DKK2: variants seen among roughly 807,000 people sequenced by gnomAD.
The protein encoded by DKK2 is dickkopf-related protein 2.
In DKK2, 11 loss-of-function variants were observed where a neutral mutation model predicts 28.1. The ratio of observed to expected loss-of-function variants is 0.39; its 90% CI spans 0.25 to 0.65. The LOEUF is 0.65. Among genes scored for constraint, DKK2 ranks in the 30% least tolerant of loss-of-function variants. The pLI, the probability that DKK2 is intolerant of heterozygous loss-of-function variation, is 0.47. For synonymous variants in DKK2, 135 were observed against 126.5 expected, an observed-to-expected ratio of 1.07 and a Z score of -0.45; for missense variants, 326 against 335.5, an observed-to-expected ratio of 0.97 and a Z score of 0.22.
intron 1 of DKK2, among the ~76,000 whole-genome samples, chr4:106,941,540 C>A (rs1317151100): frequency 6.6e-6 from 1 of 152,106 alleles, no homozygotes; most frequent in Non-Finnish European, 1.5e-5. Flanking sequence ...GAGCTACATT[C>A]TCATTTCTTT....
chr4:106,949,389 C>T (rs1724825934), intron 1 of DKK2, among the ~76,000 whole-genome samples: 3 of 152,146 alleles, frequency 2.0e-5, no homozygotes, highest in African/African-American at 7.2e-5. Context: ...ATTTCTAGAT[C>T]TCTTCTCTGT....
intron 1 of DKK2, among the ~76,000 whole-genome samples, chr4:107,019,432 G>T (rs964456026): frequency 6.6e-6 from 1 of 151,840 alleles, no homozygotes; most frequent in Non-Finnish European, 1.5e-5. Context: ...TGAGTACTCC[G>T]CACATAACAG....
chr4:106,926,031 A>AT, intron 1 of DKK2, 82 bp from the exon 2 acceptor site: 1 of 1,428,644 alleles, frequency 7.0e-7, no homozygotes, highest in East Asian at 2.3e-5. Flanking sequence ...AAATCATGAT[A>AT]GAAAATGAAT....
intron 1 of DKK2, among the ~76,000 whole-genome samples, chr4:106,945,432 C>T (rs1724761475): frequency 6.6e-6 from 1 of 152,082 alleles, no homozygotes; most frequent in South Asian, 2.1e-4. Flanking sequence ...CAGCCAGTTA[C>T]TGGTTATATA....
At chr4:107,011,442 T>A (rs779242908) in intron 1 of DKK2, among the ~76,000 whole-genome samples, 5 of 151,656 alleles carry the variant, frequency 3.3e-5, no homozygotes, top group Non-Finnish European at 5.9e-5. Flanking sequence ...TAATTCAGTA[T>A]AATTAACCAT....
At chr4:107,006,898 A>G (rs1026255724) in intron 1 of DKK2, among the ~76,000 whole-genome samples, 31 of 152,212 alleles carry the variant, frequency 2.0e-4, no homozygotes, top group Non-Finnish European at 2.9e-5. Flanking sequence ...TATTAAATGT[A>G]TCTGTTTTGG....
In DKK2 at chr4:106,982,344, T is replaced by G. The variant is rs368139080; in HGVS notation, c.222+53026A>C. ...AGAAGTGCACAGAATTTGCGTAAGT[T>G]AGTGTACTCATCACCCCTTCCACTA... On this transcript the variant is annotated intron_variant, in intron 1 of 3. Transcript: ENST00000285311. Among the ~76,000 whole-genome samples, 14 of 152,268 alleles carry G rather than the reference T, an allele frequency of 9.2e-5. No individual in the cohort carries two copies. The East Asian group carries it at 1.5e-3, about 17-fold the overall frequency.
chr4:107,021,995 A>G (rs1196018788), intron 1 of DKK2, among the ~76,000 whole-genome samples: 1 of 152,064 alleles, frequency 6.6e-6, no homozygotes, highest in African/African-American at 2.4e-5. Context: ...GGGGACATTG[A>G]TATCCAGTTT....
intron 1 of DKK2, among the ~76,000 whole-genome samples, chr4:106,983,370 A>AAGAAAGAG (rs1723063038): frequency 6.6e-6 from 1 of 150,714 alleles, no homozygotes; most frequent in African/African-American, 2.4e-5. Flanking sequence ...GAAAGAAAGA[A>AAGAAAGAG]GAAAGAAAAG....
At chr4:107,010,238 C>T (rs1439997419) in intron 1 of DKK2, among the ~76,000 whole-genome samples, 22 of 151,692 alleles carry the variant, frequency 1.5e-4, no homozygotes, top group Non-Finnish European at 4.4e-5. Flanking sequence ...GAAGCCTCAT[C>T]AACTTAAAAC....
At chr4:106,969,219 T>G (rs1188162267) in intron 1 of DKK2, among the ~76,000 whole-genome samples, 1 of 151,764 alleles carries the variant, frequency 6.6e-6, no homozygotes, top group Admixed American at 6.6e-5. Flanking sequence ...TCGCCTCCAG[T>G]TTGGGACCCC....
intron 1 of DKK2, among the ~76,000 whole-genome samples, chr4:106,954,334 A>G (rs1722553712): frequency 6.6e-6 from 1 of 152,170 alleles, no homozygotes; most frequent in African/African-American, 2.4e-5. Context: ...TACCTGATAC[A>G]ATAGTATTAT....
At chr4:106,964,515 T>C (rs1027752806) in intron 1 of DKK2, among the ~76,000 whole-genome samples, 2 of 152,160 alleles carry the variant, frequency 1.3e-5, no homozygotes, top group Non-Finnish European at 2.9e-5. Context: ...GGAATTAGAA[T>C]GTTCCTATCA....
intron 1 of DKK2, among the ~76,000 whole-genome samples, chr4:106,933,164 G>A (rs1724526907): frequency 6.6e-6 from 1 of 152,156 alleles, no homozygotes; most frequent in Admixed American, 6.5e-5. Context: ...TCCTGGTGAT[G>A]ATACAATAAG....
intron 1 of DKK2, among the ~76,000 whole-genome samples, chr4:106,963,786 C>T (rs1222930216): frequency 6.6e-6 from 1 of 152,154 alleles, no homozygotes; most frequent in Non-Finnish European, 1.5e-5. Flanking sequence ...ACATGTTCAA[C>T]AATGGATGAA....
At chr4:107,029,511 T>C (rs1723844873) in intron 1 of DKK2, among the ~76,000 whole-genome samples, 1 of 152,058 alleles carries the variant, frequency 6.6e-6, no homozygotes, top group African/African-American at 2.4e-5. Flanking sequence ...TGGCATAGAG[T>C]GAATAATCAA....
chr4:106,961,813 T>C (rs1189160961), intron 1 of DKK2, among the ~76,000 whole-genome samples: 1 of 152,190 alleles, frequency 6.6e-6, no homozygotes, highest in Non-Finnish European at 1.5e-5. Flanking sequence ...CGCACCTCTC[T>C]GTGCATCTGT....
intron 1 of DKK2, among the ~76,000 whole-genome samples, chr4:106,969,833 C>T (rs189296517): frequency 6.6e-6 from 1 of 152,156 alleles, no homozygotes; most frequent in African/African-American, 2.4e-5. Flanking sequence ...AGATATCTAC[C>T]TATCACCCTC....
chr4:106,960,114 TTATA>T (rs3082967), intron 1 of DKK2, among the ~76,000 whole-genome samples: 1 of 146,434 alleles, frequency 6.8e-6, no homozygotes, highest in Non-Finnish European at 1.5e-5. Flanking sequence ...AGAAAAAATG[TTATA>T]TATATATATA....
Sources: allele counts gnomAD v4.1 joint callset (sites outside exome capture counted in the v4.1 genomes callset), GRCh38; gene constraint gnomAD v4.1.1; transcripts MANE v1.5; gene names NCBI Gene and HGNC (gene_info 2026-07-23, HGNC 2026-07-21).